Variants in SPOCK1 observed in about 807,000 individuals in gnomAD.
SPOCK1 encodes SPARC (osteonectin), cwcv and kazal like domains proteoglycan 1.
Under a neutral mutation model 55.3 loss-of-function variants are expected in SPOCK1, and 23 were observed. The ratio of observed to expected loss-of-function variants is 0.42; its 90% CI spans 0.30 to 0.59. SPOCK1 has a LOEUF of 0.59. SPOCK1 is among the 20% of genes least tolerant of loss of function. SPOCK1 has a pLI of 0.22. For synonymous variants in SPOCK1, 226 were observed against 221.0 expected (o/e 1.02, Z -0.20); for missense variants, 499 against 552.5 (o/e 0.90, Z 0.97).
chr5:137,137,386 G>C (rs1042900697), intron 4 of SPOCK1, among the ~76,000 whole-genome samples: 2 of 152,186 alleles, frequency 1.3e-5, no homozygotes, highest in African/African-American at 2.4e-5. Context: ...AATGTGGAAG[G>C]ACAGATGTTT....
chr5:137,148,845 T>C (rs1754256732), intron 3 of SPOCK1, among the ~76,000 whole-genome samples: 1 of 152,168 alleles, frequency 6.6e-6, no homozygotes, highest in Non-Finnish European at 1.5e-5. Flanking sequence ...AGGCTGATAC[T>C]TGAAGCCACT....
At chr5:137,226,006 T>C (rs1755940274) in intron 3 of SPOCK1, among the ~76,000 whole-genome samples, 1 of 152,154 alleles carries the variant, frequency 6.6e-6, no homozygotes, top group African/African-American at 2.4e-5. Flanking sequence ...TCTTGGACTG[T>C]TGGGCTGACC....
chr5:137,231,831 C>T (rs1366132438), intron 3 of SPOCK1, among the ~76,000 whole-genome samples: 1 of 152,234 alleles, frequency 6.6e-6, no homozygotes, highest in Non-Finnish European at 1.5e-5. Context: ...ACCAGGAACA[C>T]AGGAGTTATT....
intron 3 of SPOCK1, among the ~76,000 whole-genome samples, chr5:137,249,171 ACTTG>A (rs1398696358): frequency 6.6e-6 from 1 of 152,242 alleles, no homozygotes; most frequent in African/African-American, 2.4e-5. Flanking sequence ...CAGGCAAATA[ACTTG>A]CTTGAGAGTT....
At chr5:137,355,198 G>A (rs1203736923) in intron 2 of SPOCK1, among the ~76,000 whole-genome samples, 1 of 150,632 alleles carries the variant, frequency 6.6e-6, no homozygotes. Flanking sequence ...ACTGTATCTG[G>A]CCTGTTTTTA....
At chr5:137,239,804 T>G (rs544176095) in intron 3 of SPOCK1, among the ~76,000 whole-genome samples, 1 of 152,246 alleles carries the variant, frequency 6.6e-6, no homozygotes, top group South Asian at 2.1e-4. Context: ...TTAACTTACA[T>G]TGAATAAGGG....
At chr5:137,222,912 G>T (rs1466231328) in intron 3 of SPOCK1, among the ~76,000 whole-genome samples, 1 of 151,972 alleles carries the variant, frequency 6.6e-6, no homozygotes, top group East Asian at 1.9e-4. Flanking sequence ...CATCTAAACA[G>T]ATACACAGTA....
At chr5:137,413,526 G>T (rs971205248) in intron 2 of SPOCK1, among the ~76,000 whole-genome samples, 2 of 152,148 alleles carry the variant, frequency 1.3e-5, no homozygotes, top group Admixed American at 1.3e-4. Flanking sequence ...CCCTGATCTT[G>T]TCCTGCCTTC....
intron 8 of SPOCK1, among the ~76,000 whole-genome samples, chr5:136,987,898 A>G (rs1750874074): frequency 6.6e-6 from 1 of 152,152 alleles, no homozygotes; most frequent in Admixed American, 6.5e-5. Context: ...GGGTTATATG[A>G]AATATCCTGG....
At chr5:137,344,115 C>T (rs958979741) in intron 2 of SPOCK1, among the ~76,000 whole-genome samples, 2 of 152,194 alleles carry the variant, frequency 1.3e-5, no homozygotes, top group African/African-American at 2.4e-5. Context: ...ATTTAATTAT[C>T]GCAAAGAGAT....
intron 6 of SPOCK1, among the ~76,000 whole-genome samples, chr5:136,994,808 C>A (rs1016261786): frequency 6.6e-6 from 1 of 151,944 alleles, no homozygotes; most frequent in Non-Finnish European, 1.5e-5. Flanking sequence ...AAGGTTGAGA[C>A]CAGCCTGGCC....
chr5:136,978,089 T>C lies in SPOCK1; in HGVS notation c.*565A>G, dbSNP rs1252819998. ...AAGGGAGTCTTGACTGAATTAAGGCTGTTGTTTATAGGAAGCCAGATATAA... is the reference window on the plus strand; with the variant it reads ...AAGGGAGTCTTGACTGAATTAAGGCCGTTGTTTATAGGAAGCCAGATATAA... On this transcript the variant is annotated 3_prime_UTR_variant, in exon 11 of 11. Coordinates refer to ENST00000394945, the MANE Select transcript of SPOCK1 (RefSeq NM_004598.4). 2.5e-6 allele frequency: 1 copy of C among 397,422 alleles called. No homozygotes were observed. The highest frequency in any genetic ancestry group is 4.4e-6 in the Non-Finnish European group (1 of 225,588). The allele number at this position is 397,422 out of a possible 1,614,324, so 24.6% of individuals were successfully genotyped here.
At chr5:137,041,687 T>C (rs537546466) in intron 6 of SPOCK1, among the ~76,000 whole-genome samples, 32 of 152,222 alleles carry the variant, frequency 2.1e-4, no homozygotes, top group Admixed American at 8.5e-4. Flanking sequence ...TGATAGAAAA[T>C]AACCATATGA....
chr5:137,199,904 C>T (rs2127075453), intron 3 of SPOCK1, among the ~76,000 whole-genome samples: 1 of 152,296 alleles, frequency 6.6e-6, no homozygotes, highest in Middle Eastern at 3.4e-3. Flanking sequence ...CCCTGAAAAT[C>T]AGCACTTCCT....
At chr5:137,294,955 C>T (rs962305352) in intron 2 of SPOCK1, among the ~76,000 whole-genome samples, 1 of 152,152 alleles carries the variant, frequency 6.6e-6, no homozygotes, top group Non-Finnish European at 1.5e-5. Flanking sequence ...CTCCTCTTTC[C>T]ACCCCCATGA....
intron 2 of SPOCK1, among the ~76,000 whole-genome samples, chr5:137,286,936 T>C (rs1205262039): frequency 6.6e-6 from 1 of 152,194 alleles, no homozygotes; most frequent in African/African-American, 2.4e-5. Flanking sequence ...TTAGCTCTCT[T>C]AGTGATCACT....
At chr5:137,042,327 G>A (rs966733243) in intron 6 of SPOCK1, among the ~76,000 whole-genome samples, 6 of 152,122 alleles carry the variant, frequency 3.9e-5, no homozygotes, top group Non-Finnish European at 7.4e-5. Flanking sequence ...TTGAAAAGAT[G>A]AAGCACAGAG....
chr5:137,038,440 T>C (rs1249950685), intron 6 of SPOCK1, among the ~76,000 whole-genome samples: 2 of 152,134 alleles, frequency 1.3e-5, no homozygotes, highest in South Asian at 2.1e-4. Context: ...TGTAGAAATA[T>C]TTTAAGTGCC....
At chr5:137,414,404 T>C (rs1471727597) in intron 2 of SPOCK1, among the ~76,000 whole-genome samples, 3 of 152,236 alleles carry the variant, frequency 2.0e-5, no homozygotes, top group Non-Finnish European at 2.9e-5. Flanking sequence ...GGAAAAAATG[T>C]ATTTGTTAAT....
Sources: allele counts gnomAD v4.1 joint callset (sites outside exome capture counted in the v4.1 genomes callset), GRCh38; gene constraint gnomAD v4.1.1; transcripts MANE v1.5; gene names NCBI Gene and HGNC (gene_info 2026-07-23, HGNC 2026-07-21).